TAFA1: variants seen among roughly 807,000 people sequenced by gnomAD.
The protein encoded by TAFA1 is chemokine-like protein TAFA-1.
TAFA1 carries 4 observed loss-of-function variants against 18.5 expected under a neutral mutation model. That is an observed-to-expected ratio of 0.22 (90% CI 0.11 to 0.49). TAFA1 has a LOEUF of 0.49. Ranked by LOEUF, TAFA1 falls within the 20% of genes least tolerant of loss-of-function variation. TAFA1 has a pLI of 0.98. For missense variants in TAFA1, 147 were observed against 169.0 expected, an observed-to-expected ratio of 0.87 and a Z score of 0.72; for synonymous variants, 56 against 55.2, an observed-to-expected ratio of 1.01 and a Z score of -0.06.
At chr3:68,149,949 T>C (rs2065785936) in intron 2 of TAFA1, among the ~76,000 whole-genome samples, 1 of 152,170 alleles carries the variant, frequency 6.6e-6, no homozygotes, top group Admixed American at 6.5e-5. Flanking sequence ...TCCTTTATCT[T>C]AAGGTCCACC....
intron 2 of TAFA1, among the ~76,000 whole-genome samples, chr3:68,051,344 A>G (rs759047652): frequency 6.6e-6 from 1 of 152,212 alleles, no homozygotes; most frequent in Non-Finnish European, 1.5e-5. Flanking sequence ...ACTAAGAATC[A>G]GATCTGGCAG....
chr3:68,070,996 C>T (rs528835800), intron 2 of TAFA1, among the ~76,000 whole-genome samples: 1 of 152,332 alleles, frequency 6.6e-6, no homozygotes, highest in East Asian at 1.9e-4. Context: ...CTTCTTCTGA[C>T]CCCTCTGAAC....
intron 2 of TAFA1, among the ~76,000 whole-genome samples, chr3:68,196,981 C>G (rs976718266): frequency 5.3e-5 from 8 of 151,658 alleles, no homozygotes; most frequent in Middle Eastern, 3.2e-3. Flanking sequence ...ATTTTGTTAC[C>G]AGGATAATGT....
At chr3:68,065,112 A>C (rs2064657028) in intron 2 of TAFA1, among the ~76,000 whole-genome samples, 1 of 152,072 alleles carries the variant, frequency 6.6e-6, no homozygotes, top group Admixed American at 6.6e-5. Flanking sequence ...TCTAAATTGT[A>C]ACAGCCCTCA....
At chr3:68,134,083 AC>A (rs1440310444) in intron 2 of TAFA1, among the ~76,000 whole-genome samples, 58 of 122,120 alleles carry the variant, frequency 4.7e-4, no homozygotes, top group Non-Finnish European at 7.3e-4. Context: ...AAAAAAAAAA[AC>A]AATGAGAAAA....
At chr3:68,117,957 C>T (rs2065343510) in intron 2 of TAFA1, among the ~76,000 whole-genome samples, 1 of 152,122 alleles carries the variant, frequency 6.6e-6, no homozygotes, top group Non-Finnish European at 1.5e-5. Flanking sequence ...TTTCATCTTG[C>T]AAAACTGAAA....
chr3:68,084,002 T>C (rs916884164), intron 2 of TAFA1, among the ~76,000 whole-genome samples: 4 of 152,130 alleles, frequency 2.6e-5, no homozygotes, highest in Non-Finnish European at 4.4e-5. Flanking sequence ...AGAGTGAAAA[T>C]CTTAATGGCT....
the TAFA1 span, among the ~76,000 whole-genome samples, chr3:67,996,790 C>A: frequency 8.8e-6 from 1 of 113,142 alleles, no homozygotes; most frequent in Non-Finnish European, 1.8e-5. Context: ...CAAAACTCCA[C>A]CTCAAAAAAA....
intron 2 of TAFA1, among the ~76,000 whole-genome samples, chr3:68,385,694 A>G (rs1485747051): frequency 6.6e-6 from 1 of 152,060 alleles, no homozygotes; most frequent in African/African-American, 2.4e-5. Context: ...ATTACAAACT[A>G]TAGCCTGTAG....
intron 2 of TAFA1, among the ~76,000 whole-genome samples, chr3:68,143,593 AGAT>A (rs913228331): frequency 6.6e-6 from 1 of 152,174 alleles, no homozygotes; most frequent in African/African-American, 2.4e-5. Context: ...TCAACCTACC[AGAT>A]GCCAGTTATG....
At chr3:68,284,604 A>G (rs994114341) in intron 2 of TAFA1, among the ~76,000 whole-genome samples, 11 of 152,184 alleles carry the variant, frequency 7.2e-5, no homozygotes, top group Non-Finnish European at 1.6e-4. Context: ...GAACTGTGCT[A>G]TGTTCATACA....
At chr3:68,216,641 T>C (rs1471018461) in intron 2 of TAFA1, among the ~76,000 whole-genome samples, 2 of 152,052 alleles carry the variant, frequency 1.3e-5, no homozygotes, top group African/African-American at 2.4e-5. Flanking sequence ...TATGACTCAA[T>C]TGTAAAGACC....
chr3:68,399,360 T>C (rs2070443551), intron 2 of TAFA1, among the ~76,000 whole-genome samples: 1 of 152,172 alleles, frequency 6.6e-6, no homozygotes, highest in African/African-American at 2.4e-5. Flanking sequence ...ATTTTGCCAA[T>C]TATTTCATTT....
At chr3:68,137,675 G>T (rs2065624017) in intron 2 of TAFA1, among the ~76,000 whole-genome samples, 2 of 152,144 alleles carry the variant, frequency 1.3e-5, no homozygotes, top group East Asian at 3.9e-4. Context: ...TCATATGGAC[G>T]TCCTTTGAAC....
At chr3:68,043,866 T>G (rs933146757) in intron 2 of TAFA1, among the ~76,000 whole-genome samples, 8 of 152,190 alleles carry the variant, frequency 5.3e-5, no homozygotes, top group Non-Finnish European at 1.2e-4. Flanking sequence ...TTATTATACC[T>G]TAATTTCTAG....
intron 2 of TAFA1, among the ~76,000 whole-genome samples, chr3:68,223,910 G>A (rs2107099531): frequency 6.6e-6 from 1 of 151,738 alleles, no homozygotes; most frequent in South Asian, 2.1e-4. Flanking sequence ...ATACAGCCAT[G>A]TTTATGTGAC....
At chr3:68,037,206 A>T (rs546092834) in intron 2 of TAFA1, among the ~76,000 whole-genome samples, 3 of 152,268 alleles carry the variant, frequency 2.0e-5, no homozygotes, top group African/African-American at 7.2e-5. Flanking sequence ...ACAAGTAGAA[A>T]GGCAATGGGC....
At chr3:68,049,664 T>G (rs2064441468) in intron 2 of TAFA1, among the ~76,000 whole-genome samples, 1 of 151,664 alleles carries the variant, frequency 6.6e-6, no homozygotes, top group African/African-American at 2.4e-5. Flanking sequence ...AAAGGAGGTG[T>G]ACAGATGTTA....
intron 2 of TAFA1, among the ~76,000 whole-genome samples, chr3:68,128,754 C>T (rs1357759275): frequency 6.6e-6 from 1 of 152,226 alleles, no homozygotes; most frequent in Non-Finnish European, 1.5e-5. Context: ...TTATGTCTCA[C>T]TGGGATTCCA....
Sources: allele counts gnomAD v4.1 joint callset (sites outside exome capture counted in the v4.1 genomes callset), GRCh38; gene constraint gnomAD v4.1.1; transcripts MANE v1.5; gene names NCBI Gene and HGNC (gene_info 2026-07-23, HGNC 2026-07-21).